AIFM2: variants seen among roughly 807,000 people sequenced by gnomAD.
The protein encoded by AIFM2 is ferroptosis suppressor protein 1.
A neutral mutation model predicts 35.7 loss-of-function variants in AIFM2; 38 were observed. The observed-to-expected ratio is 1.06, with a 90% CI of 0.82 to 1.39. The LOEUF (loss-of-function observed/expected upper bound fraction) is 1.39, where lower values mean the gene tolerates loss of function less well. Ranked by LOEUF, AIFM2 falls within the 40% of genes most tolerant of loss-of-function variation. AIFM2 has a pLI of 0.00. For synonymous variants in AIFM2, 185 were observed against 203.5 expected, an observed-to-expected ratio of 0.91 and a Z score of 0.77; for missense variants, 476 against 491.2, an observed-to-expected ratio of 0.97 and a Z score of 0.29.
At chr10:70,120,256 A>G (rs1344887171) in intron 5 of AIFM2, among the ~76,000 whole-genome samples, 1 of 152,268 alleles carries the variant, frequency 6.6e-6, no homozygotes, top group Non-Finnish European at 1.5e-5. Flanking sequence ...AAGTTGGAGC[A>G]GAGGGCAGGA....
Position 70,115,083 on chromosome 10 carries a change from G to C in AIFM2, c.807C>G (p.Asn269Lys), listed in dbSNP as rs374671076. The C allele has an allele frequency of 1.9e-6, 3 of 1,613,810 alleles. No homozygotes were observed. In the East Asian group the frequency reaches 6.7e-5, roughly 36 times the overall value. ...TGTGGCCCTCCACCTGGAGGTGCTC[G>C]TTCACTCTCAGAGCACCACTGCTGG... ...RLASSGALRVNEHLQVEGHSN... is the reference protein window; with the variant it reads ...RLASSGALRVKEHLQVEGHSN... The change falls in exon 8 of 9, where the codon AAC becomes AAG. Residue 269 changes from asparagine to lysine, a missense_variant. Transcript: ENST00000307864.
intron 5 of AIFM2, 44 bp downstream of exon 5, chr10:70,120,463 A>G: frequency 6.2e-7 from 1 of 1,604,704 alleles, no homozygotes; most frequent in East Asian, 2.2e-5. Context: ...AATGCAGAAA[A>G]AAGCCAACCA....
chr10:70,120,486 A>G, intron 5 of AIFM2, 21 bp downstream of exon 5: 4 of 1,613,936 alleles, frequency 2.5e-6, no homozygotes, highest in Non-Finnish European at 3.4e-6. Flanking sequence ...TAGAGCTCCA[A>G]GGCAAGGCAG....
intron 1 of AIFM2, among the ~76,000 whole-genome samples, chr10:70,127,655 G>T (rs2072583510): frequency 6.6e-6 from 1 of 152,162 alleles, no homozygotes; most frequent in Non-Finnish European, 1.5e-5. Context: ...TGGACCTCAG[G>T]GGCAATGAGT....
intron 1 of AIFM2, among the ~76,000 whole-genome samples, chr10:70,129,635 G>A (rs1301867054): frequency 6.6e-6 from 1 of 152,088 alleles, no homozygotes; most frequent in Admixed American, 6.6e-5. Flanking sequence ...CCTGCTGTCT[G>A]AACCAAAGTG....
At chr10:70,116,847 T>A in intron 6 of AIFM2, 73 bp from the exon 7 acceptor site, 1 of 1,584,624 alleles carries the variant, frequency 6.3e-7, no homozygotes, top group Non-Finnish European at 8.6e-7. Context: ...AGGCCAAGGC[T>A]AACCCTGGGG....
intron 3 of AIFM2, among the ~76,000 whole-genome samples, chr10:70,122,508 C>A (rs907060755): frequency 6.6e-5 from 10 of 152,196 alleles, no homozygotes; most frequent in African/African-American, 2.2e-4. Flanking sequence ...GGCAGCTTAT[C>A]GATGGAGCTG....
chr10:70,122,040 C>T (rs1440534115), intron 3 of AIFM2, among the ~76,000 whole-genome samples: 2 of 151,936 alleles, frequency 1.3e-5, no homozygotes, highest in South Asian at 2.1e-4. Flanking sequence ...TGTGGTGACC[C>T]GAGACCATGC....
At chr10:70,125,658 T>TG (rs1326737592) in intron 1 of AIFM2, among the ~76,000 whole-genome samples, 5 of 151,052 alleles carry the variant, frequency 3.3e-5, no homozygotes, top group Non-Finnish European at 7.4e-5. Flanking sequence ...TTGGTAGAGA[T>TG]GGGGGTCTCC....
At chr10:70,122,726 C>T (rs1180209489) in intron 3 of AIFM2, among the ~76,000 whole-genome samples, 1 of 152,218 alleles carries the variant, frequency 6.6e-6, no homozygotes, top group East Asian at 1.9e-4. Flanking sequence ...GGGCTCTGGG[C>T]TAAAATTGCA....
chr10:70,130,925 C>G (rs2072620290), intron 1 of AIFM2, among the ~76,000 whole-genome samples: 1 of 152,164 alleles, frequency 6.6e-6, no homozygotes, highest in South Asian at 2.1e-4. Context: ...AACACACATA[C>G]ACACAGACAC....
chr10:70,119,550 AG>A (rs1336647553), intron 5 of AIFM2, among the ~76,000 whole-genome samples: 1 of 152,252 alleles, frequency 6.6e-6, no homozygotes, highest in Non-Finnish European at 1.5e-5. Flanking sequence ...GTGTGGAGTG[AG>A]TAGGGAGAAA....
intron 5 of AIFM2, among the ~76,000 whole-genome samples, chr10:70,119,686 T>C (rs1325461384): frequency 6.6e-6 from 1 of 152,228 alleles, no homozygotes; most frequent in Admixed American, 6.5e-5. Context: ...TTATCCTCTA[T>C]TGATTTTTCT....
chr10:70,118,169 T>C (rs1229510748), intron 5 of AIFM2: 3 of 440,322 alleles, frequency 6.8e-6, no homozygotes, highest in Admixed American at 4.7e-5. Context: ...TATGCCAACA[T>C]GTCACAACCT....
In AIFM2 at chr10:70,116,736, C is replaced by T. The variant is rs767746299; in HGVS notation, c.655G>A (p.Glu219Lys). The change falls in exon 7 of 9, where the codon GAG becomes AAG. Residue 219 changes from glutamate to lysine, a missense_variant. By Grantham distance (56) the Glu-to-Lys change is moderately conservative (BLOSUM62 1). Transcript: ENST00000307864. ...TGCACTTTGATGTACTCTCGATACT[C>T]ATTGAGAGGCAGCTCCTCCAGATTG... ...VSNLEELPLN[E>K]YREYIKVQTD... The T allele has an allele frequency of 6.2e-7, 1 of 1,614,080 alleles. No homozygotes were observed. The highest frequency in any genetic ancestry group is 8.5e-7 in the Non-Finnish European group (1 of 1,180,032).
At position 70,120,554 on chromosome 10, in the gene AIFM2, C is replaced by A. The variant is rs1298055139; in HGVS notation, c.460G>T (p.Gly154Ter). ...TTAATCTCTGCTGCCATCTCCACTC[C>A]AGCCGAGCCTCCTCCCACCACCACG... The part of the protein sequence containing the change: ...FIVVVGGGSA[G>*]VEMAAEIKTE... Residue 154 changes from glycine to a stop codon, truncating the protein, a stop_gained, in exon 5 of 9, where the codon GGA becomes TGA. Transcript: ENST00000307864. LOFTEE classifies it high-confidence loss of function. 1 of 1,614,186 alleles carries A rather than the reference C, an allele frequency of 6.2e-7. No individual in the cohort carries two copies. Among genetic ancestry groups the A allele is most frequent in the South Asian group, 1.1e-5 (1 of 91,086 alleles).
chr10:70,114,429 C>T (rs1033496023), intron 8 of AIFM2, 100 bp from the exon 9 acceptor site: 23 of 1,459,694 alleles, frequency 1.6e-5, no homozygotes, highest in African/African-American at 4.3e-5. Flanking sequence ...GACTCAGGGC[C>T]GGAAATGTGA....
Position 70,117,806 on chromosome 10 carries a change from AC to A in AIFM2, c.616+5del. Reference sequence around the variant, plus strand: ...AGGGCAGGGAGGGAGGTGAGGGTGCACGTACTCAGCAGCAGCTGCACGCCCT... The same window carrying A: ...AGGGCAGGGAGGGAGGTGAGGGTGCAGTACTCAGCAGCAGCTGCACGCCCT... On this transcript the variant is annotated splice_donor_5th_base_variant and intron_variant, in intron 6 of 8. Transcript: ENST00000307864. The surrounding 1 kb of genome is among the most constrained non-coding windows in gnomAD (Gnocchi z 4.7). 6.2e-7 allele frequency: 1 copy of A among 1,602,860 alleles called. No individual in the cohort carries two copies. The highest frequency in any genetic ancestry group is 8.5e-7 in the Non-Finnish European group (1 of 1,175,170).
At chr10:70,126,766 G>A (rs959838455) in intron 1 of AIFM2, among the ~76,000 whole-genome samples, 8 of 152,276 alleles carry the variant, frequency 5.3e-5, no homozygotes, top group South Asian at 2.1e-4. Flanking sequence ...CCCTGGGGGC[G>A]GACAGTAGAG....
Sources: allele counts gnomAD v4.1 joint callset (sites outside exome capture counted in the v4.1 genomes callset), GRCh38; gene constraint gnomAD v4.1.1; non-coding constraint Gnocchi (gnomAD v3.1); transcripts MANE v1.5; gene names NCBI Gene and HGNC (gene_info 2026-07-23, HGNC 2026-07-21).